CCDC7: variants seen among roughly 807,000 people sequenced by gnomAD.
The protein encoded by CCDC7 is coiled-coil domain-containing protein 7.
CCDC7 carries 183 observed loss-of-function variants against 196.9 expected under a neutral mutation model. That is an observed-to-expected ratio of 0.93 (90% CI 0.82 to 1.05). The LOEUF is 1.05. Among genes scored for constraint, CCDC7 ranks in the 50% least tolerant of loss-of-function variants. CCDC7 has a pLI of 0.00. For missense variants in CCDC7, 1,540 were observed against 1,482.2 expected (o/e 1.04, Z -0.64); for synonymous variants, 525 against 484.6 (o/e 1.08, Z -1.10).
intron 28 of CCDC7, among the ~76,000 whole-genome samples, chr10:32,757,397 A>G (rs1435008617): frequency 6.6e-6 from 1 of 152,212 alleles, no homozygotes; most frequent in African/African-American, 2.4e-5. Context: ...ATTATAACAA[A>G]CTGTCTCTCA....
intron 41 of CCDC7, among the ~76,000 whole-genome samples, chr10:32,867,474 T>C (rs1241113488): frequency 6.6e-6 from 1 of 151,196 alleles, no homozygotes; most frequent in Admixed American, 6.6e-5. Flanking sequence ...TAAAACTGAA[T>C]AAATTCTAGA....
exon 23 of CCDC7, chr10:32,689,103 A>G (rs2076782780): frequency 1.9e-6 from 3 of 1,609,436 alleles, no homozygotes; most frequent in Non-Finnish European, 2.5e-6. Context: ...TCAAGACTCA[A>G]TGTCAAAATC....
intron 8 of CCDC7, among the ~76,000 whole-genome samples, chr10:32,482,552 G>C (rs146874345): frequency 0.034 from 5,229 of 152,028 alleles, 128 homozygotes; most frequent in Non-Finnish European, 0.047. Flanking sequence ...CAACGTGCAG[G>C]TTAGTTACAT....
intron 32 of CCDC7, among the ~76,000 whole-genome samples, chr10:32,828,446 AGAAGAAGAAGAAGAAGAAGAG>A (rs2091519715): frequency 1.2e-5 from 1 of 80,490 alleles, no homozygotes; most frequent in Non-Finnish European, 2.9e-5. Flanking sequence ...AAGGAGAAGA[AGAAGAAGAAGAAGAAGAAGAG>A]GAAGAGGAAG....
chr10:32,477,821 G>A (rs2039289479), intron 8 of CCDC7, among the ~76,000 whole-genome samples: 1 of 152,070 alleles, frequency 6.6e-6, no homozygotes, highest in South Asian at 2.1e-4. Context: ...TGACTTCTCT[G>A]GGTCTATTAA....
chr10:32,865,398 A>G (rs1033956235), intron 41 of CCDC7, among the ~76,000 whole-genome samples: 4 of 79,050 alleles, frequency 5.1e-5, no homozygotes, highest in Non-Finnish European at 7.7e-5. Context: ...AGGTACTCCT[A>G]TTATACACAC....
At chr10:32,528,669 C>T (rs970741952) in intron 11 of CCDC7, among the ~76,000 whole-genome samples, 1 of 118,422 alleles carries the variant, frequency 8.4e-6, no homozygotes, top group Non-Finnish European at 1.7e-5. Flanking sequence ...TATACACACA[C>T]ATATATATAT....
chr10:32,686,924 A>T (rs1031293684), intron 22 of CCDC7, among the ~76,000 whole-genome samples: 1 of 152,224 alleles, frequency 6.6e-6, no homozygotes, highest in Non-Finnish European at 1.5e-5. Flanking sequence ...AACTGTTTCC[A>T]GATCATGGTT....
chr10:32,859,058 C>T (rs185417492), intron 41 of CCDC7, among the ~76,000 whole-genome samples: 3 of 152,212 alleles, frequency 2.0e-5, no homozygotes, highest in African/African-American at 7.2e-5. Context: ...CAGCTCTGGA[C>T]CAAGCAGACC....
intron 30 of CCDC7, among the ~76,000 whole-genome samples, chr10:32,807,412 G>A (rs1445596403): frequency 6.6e-6 from 1 of 152,042 alleles, no homozygotes. Context: ...TGACAAGAGA[G>A]GGGGCTCCAA....
At chr10:32,825,058 C>T (rs2090909903) in intron 32 of CCDC7, among the ~76,000 whole-genome samples, 1 of 152,214 alleles carries the variant, frequency 6.6e-6, no homozygotes, top group Non-Finnish European at 1.5e-5. Context: ...TTATAAAGTT[C>T]AAAAATTATA....
intron 20 of CCDC7, among the ~76,000 whole-genome samples, chr10:32,639,242 G>T (rs957550856): frequency 2.6e-5 from 4 of 151,970 alleles, no homozygotes; most frequent in Non-Finnish European, 5.9e-5. Context: ...CTTCAGTTCT[G>T]CTCTGATCTT....
intron 28 of CCDC7, among the ~76,000 whole-genome samples, chr10:32,735,327 A>T (rs1157780928): frequency 7.2e-5 from 11 of 152,204 alleles, no homozygotes; most frequent in Non-Finnish European, 1.5e-4. Context: ...ACCAGCAATG[A>T]GTGAGAGTTC....
chr10:32,599,301 A>C lies in CCDC7; in HGVS notation c.1801+14997A>C, dbSNP rs909290788. Among the ~76,000 whole-genome samples the C allele has an allele frequency of 8.5e-5, 13 of 152,218 alleles. No individual in the cohort carries two copies. The East Asian group carries it at 2.5e-3, about 29-fold the overall frequency. On this transcript the variant is annotated intron_variant, in intron 18 of 41. Transcript: ENST00000639629. ...ACTTTCAATATTTTTGTGTCTTTGC[A>C]TCTAAAATGAGTCTCTTATACATAG...
intron 18 of CCDC7, among the ~76,000 whole-genome samples, chr10:32,609,729 C>T (rs189190326): frequency 2.0e-4 from 30 of 152,212 alleles, no homozygotes; most frequent in African/African-American, 7.0e-4. Flanking sequence ...TAGCACCATC[C>T]TCTTAGTACT....
chr10:32,813,711 T>A (rs1372866084), intron 30 of CCDC7, among the ~76,000 whole-genome samples: 1 of 152,186 alleles, frequency 6.6e-6, no homozygotes, highest in East Asian at 1.9e-4. Flanking sequence ...GTCCCTAGGA[T>A]GATTTCAATT....
At chr10:32,858,809 T>G (rs942972834) in intron 41 of CCDC7, among the ~76,000 whole-genome samples, 6 of 151,174 alleles carry the variant, frequency 4.0e-5, no homozygotes, top group African/African-American at 1.5e-4. Context: ...CCAACAAAGA[T>G]CAAAAGAGAC....
intron 20 of CCDC7, among the ~76,000 whole-genome samples, chr10:32,659,568 A>G (rs565824335): frequency 2.0e-5 from 3 of 152,340 alleles, no homozygotes; most frequent in African/African-American, 7.2e-5. Context: ...TATGAAAGTT[A>G]TGTTTAAGGT....
At chr10:32,531,458 T>C (rs1199209329) in intron 11 of CCDC7, among the ~76,000 whole-genome samples, 1 of 152,170 alleles carries the variant, frequency 6.6e-6, no homozygotes, top group African/African-American at 2.4e-5. Flanking sequence ...TGAATGTGGT[T>C]TGTATTTTGT....
Sources: allele counts gnomAD v4.1 joint callset (sites outside exome capture counted in the v4.1 genomes callset), GRCh38; gene constraint gnomAD v4.1.1; transcripts MANE v1.5; gene names NCBI Gene and HGNC (gene_info 2026-07-23, HGNC 2026-07-21).